SOX6: variants seen among roughly 807,000 people sequenced by gnomAD.
SOX6 encodes transcription factor SOX-6.
A neutral mutation model predicts 97.8 loss-of-function variants in SOX6; 11 were observed. The ratio of observed to expected loss-of-function variants is 0.11; its 90% CI spans 0.07 to 0.19. The LOEUF is 0.19. Among genes scored for constraint, SOX6 ranks in the 10% least tolerant of loss-of-function variants. The probability of loss-of-function intolerance (pLI) is 1.00; values close to 1 mark genes in which losing one functional copy is unlikely to be tolerated. For missense variants in SOX6, 810 were observed against 1,039.5 expected (o/e 0.78, Z 3.04); for synonymous variants, 360 against 371.4 (o/e 0.97, Z 0.35).
chr11:16,540,920 C>T (rs539244698), intron 4 of SOX6, among the ~76,000 whole-genome samples: 1 of 152,242 alleles, frequency 6.6e-6, no homozygotes, highest in Non-Finnish European at 1.5e-5. Flanking sequence ...AGATTCAATG[C>T]CATCCCCATC....
chr11:16,391,170 C>T (rs772123145), intron 1 of SOX6, among the ~76,000 whole-genome samples: 3 of 152,168 alleles, frequency 2.0e-5, no homozygotes, highest in South Asian at 4.1e-4. Flanking sequence ...GGGAGGGGAA[C>T]ATCACACACT....
At chr11:16,179,272 G>A (rs931010504) in intron 6 of SOX6, among the ~76,000 whole-genome samples, 1 of 151,580 alleles carries the variant, frequency 6.6e-6, no homozygotes, top group Non-Finnish European at 1.5e-5. Context: ...GCATCTTTCT[G>A]GTTACCAAAA....
chr11:16,047,454 C>CA (rs796496568), intron 11 of SOX6, among the ~76,000 whole-genome samples: 34 of 150,192 alleles, frequency 2.3e-4, no homozygotes, highest in African/African-American at 8.0e-4. Flanking sequence ...TACAAAGCTT[C>CA]AAAAAAAAAG....
chr11:16,082,762 C>T (rs939163291), intron 9 of SOX6, among the ~76,000 whole-genome samples: 8 of 152,256 alleles, frequency 5.3e-5, no homozygotes, highest in African/African-American at 1.7e-4. Flanking sequence ...TAAAGTTGTT[C>T]ACTATACCTT....
upstream of SOX6, among the ~76,000 whole-genome samples, chr11:16,479,048 T>C (rs1860299157): frequency 6.6e-6 from 1 of 151,972 alleles, no homozygotes; most frequent in Non-Finnish European, 1.5e-5. Context: ...AACACAAAAA[T>C]TTAAATTAAA....
chr11:16,497,674 A>C (rs1475852898), intron 4 of SOX6, among the ~76,000 whole-genome samples: 2 of 152,232 alleles, frequency 1.3e-5, no homozygotes, highest in African/African-American at 4.8e-5. Flanking sequence ...ACGAATGCAC[A>C]AGCCTAAGTA....
chr11:16,309,384 T>C (rs1359717192), intron 3 of SOX6, among the ~76,000 whole-genome samples: 2 of 152,138 alleles, frequency 1.3e-5, no homozygotes, highest in Admixed American at 6.6e-5. Context: ...AAACTGATGA[T>C]AGAATATAAG....
intron 4 of SOX6, among the ~76,000 whole-genome samples, chr11:16,598,845 G>A (rs1186371062): frequency 1.3e-5 from 2 of 151,874 alleles, no homozygotes; most frequent in Non-Finnish European, 2.9e-5. Context: ...ATATATCAAA[G>A]ATAGACAATT....
At chr11:16,718,567 T>G (rs770764195) in intron 2 of SOX6, among the ~76,000 whole-genome samples, 3 of 152,206 alleles carry the variant, frequency 2.0e-5, no homozygotes, top group Non-Finnish European at 4.4e-5. Flanking sequence ...AATCAGTATG[T>G]ACATATTATC....
At chr11:16,612,012 G>T (rs1590008275) in intron 4 of SOX6, 1 of 152,606 alleles carries the variant, frequency 6.6e-6, no homozygotes, top group Non-Finnish European at 1.5e-5. Context: ...GCTGTCTAAG[G>T]TGCAAAGCCA....
intron 15 of SOX6, among the ~76,000 whole-genome samples, chr11:15,974,105 G>T (rs1853393361): frequency 6.6e-6 from 1 of 152,068 alleles, no homozygotes; most frequent in Non-Finnish European, 1.5e-5. Context: ...AATTATAGTT[G>T]AATTTGTTTC....
intron 3 of SOX6, among the ~76,000 whole-genome samples, chr11:16,636,349 G>A (rs1848789566): frequency 6.6e-6 from 1 of 152,162 alleles, no homozygotes; most frequent in African/African-American, 2.4e-5. Context: ...GACTTGCATG[G>A]TGCCTGTAGC....
chr11:16,571,953 C>T (rs907548548), intron 4 of SOX6, among the ~76,000 whole-genome samples: 3 of 152,100 alleles, frequency 2.0e-5, no homozygotes, highest in African/African-American at 7.2e-5. Flanking sequence ...GTTCCCAGTC[C>T]GACATTCAGT....
intron 2 of SOX6, among the ~76,000 whole-genome samples, chr11:16,722,722 G>GA (rs1220068203): frequency 2.0e-5 from 3 of 151,806 alleles, no homozygotes; most frequent in South Asian, 2.1e-4. Context: ...TGAGCATATG[G>GA]AAAAAACCTC....
chr11:16,530,049 CA>C (rs1286230252), intron 4 of SOX6, among the ~76,000 whole-genome samples: 1 of 151,840 alleles, frequency 6.6e-6, no homozygotes, highest in Non-Finnish European at 1.5e-5. Context: ...ATTGTATAAA[CA>C]AGGACTGGAT....
At chr11:16,258,520 G>C (rs984645061) in intron 3 of SOX6, among the ~76,000 whole-genome samples, 1 of 151,886 alleles carries the variant, frequency 6.6e-6, no homozygotes, top group Non-Finnish European at 1.5e-5. Context: ...AAACTATGAA[G>C]ATATTAAAAA....
chr11:16,059,035 T>C (rs1847884987), intron 9 of SOX6, among the ~76,000 whole-genome samples: 1 of 152,132 alleles, frequency 6.6e-6, no homozygotes. Context: ...AGCTCCCAAC[T>C]GGGCTTGATT....
At chr11:16,389,718 C>A (rs1161639041) in intron 1 of SOX6, among the ~76,000 whole-genome samples, 1 of 151,884 alleles carries the variant, frequency 6.6e-6, no homozygotes, top group African/African-American at 2.4e-5. Flanking sequence ...CCTGTAATCC[C>A]AGCACTTTGG....
chr11:16,597,181 C>T (rs138331127), intron 4 of SOX6, among the ~76,000 whole-genome samples: 129 of 152,026 alleles, frequency 8.5e-4, no homozygotes, highest in Non-Finnish European at 1.2e-3. Flanking sequence ...TAAAGGCTGA[C>T]GAGTACTATA....
Sources: allele counts gnomAD v4.1 joint callset (sites outside exome capture counted in the v4.1 genomes callset), GRCh38; gene constraint gnomAD v4.1.1; transcripts MANE v1.5; gene names NCBI Gene and HGNC (gene_info 2026-07-23, HGNC 2026-07-21).